Variants in AP3S1 observed in about 807,000 individuals in gnomAD.
AP3S1 encodes AP-3 complex subunit sigma-1.
Under a neutral mutation model 21.3 loss-of-function variants are expected in AP3S1, and 12 were observed. The observed-to-expected ratio is 0.56, with a 90% CI of 0.36 to 0.91. The LOEUF (loss-of-function observed/expected upper bound fraction) is 0.91. Among genes scored for constraint, AP3S1 ranks in the 40% least tolerant of loss-of-function variants. The probability of loss-of-function intolerance (pLI) is 0.01; values close to 1 mark genes in which losing one functional copy is unlikely to be tolerated. For synonymous variants in AP3S1, 48 were observed against 78.4 expected (o/e 0.61, Z 2.05); for missense variants, 116 against 225.0 (o/e 0.52, Z 3.10).
intron 1 of AP3S1, among the ~76,000 whole-genome samples, chr5:115,859,224 A>G (rs190308163): frequency 1.6e-3 from 239 of 152,028 alleles, no homozygotes; most frequent in African/African-American, 4.9e-3. Context: ...TGTGACTACA[A>G]CTCCCCAAAT....
intron 1 of AP3S1, among the ~76,000 whole-genome samples, chr5:115,860,467 T>A (rs555188539): frequency 1.3e-5 from 2 of 152,216 alleles, no homozygotes; most frequent in African/African-American, 4.8e-5. Context: ...AATAAAATTA[T>A]GAACTTTTGT....
At chr5:115,869,670 T>A (rs1000124812) in intron 2 of AP3S1, among the ~76,000 whole-genome samples, 1 of 152,182 alleles carries the variant, frequency 6.6e-6, no homozygotes, top group Non-Finnish European at 1.5e-5. Context: ...ATATCATCAT[T>A]GTATTTTGAT....
rs1292392539 is a variant in AP3S1, at chr5:115,841,998, C to T, written c.-40C>T. The stretch of plus-strand genomic sequence containing the variant: ...GGCGAGGCTCGCGCGCCCGCCCCCG[C>T]CCTGGCCCCCAGTGCCCACCCGGTC... On this transcript the variant is annotated 5_prime_UTR_variant, in exon 1 of 6. Transcript: ENST00000316788. 7.7e-6 allele frequency: 12 copies of T among 1,564,748 alleles called. No individual in the cohort carries two copies. In the Admixed American group the frequency reaches 9.5e-5, roughly 12 times the overall value.
At chr5:115,889,190 C>T (rs751168434) in intron 3 of AP3S1, among the ~76,000 whole-genome samples, 4 of 151,980 alleles carry the variant, frequency 2.6e-5, no homozygotes, top group Non-Finnish European at 5.9e-5. Context: ...TTTATAAATA[C>T]ATGTAAGTGA....
At chr5:115,913,292 G>T (rs558612183) in intron 5 of AP3S1, 70 bp from the exon 6 acceptor site, 2 of 1,475,272 alleles carry the variant, frequency 1.4e-6, no homozygotes, top group East Asian at 2.3e-5. Flanking sequence ...GTCTTCCATT[G>T]TAAGTGTTTT....
intron 1 of AP3S1, among the ~76,000 whole-genome samples, chr5:115,862,076 C>T (rs1340876848): frequency 9.2e-5 from 14 of 151,886 alleles, no homozygotes; most frequent in African/African-American, 2.9e-4. Context: ...CAATTCCATT[C>T]CGTAATTATC....
chr5:115,864,508 A>G (rs1018738239), intron 1 of AP3S1, among the ~76,000 whole-genome samples: 3 of 152,238 alleles, frequency 2.0e-5, no homozygotes, highest in African/African-American at 4.8e-5. Context: ...GAGAATCTTA[A>G]TAGAATATCA....
chr5:115,879,769 A>G (rs1749104506), intron 3 of AP3S1, among the ~76,000 whole-genome samples: 1 of 152,178 alleles, frequency 6.6e-6, no homozygotes, highest in Non-Finnish European at 1.5e-5. Flanking sequence ...GAGTAGTTTC[A>G]GAAGGAATGA....
rs138826506 is a variant in AP3S1 at position 115,883,483 on chromosome 5, T to C, written c.274-11604T>C. ...GAGTTCCTCAACCCCTTACGCTTCC[T>C]AGGTGAGATGATGCCCCACCCTGCT... On this transcript the variant is annotated intron_variant, in intron 3 of 5. Transcript: ENST00000316788. Among the ~76,000 whole-genome samples the C allele has an allele frequency of 5.1e-3, 771 of 152,308 alleles. 2 individuals are homozygous for C. Among genetic ancestry groups the C allele is most frequent in the South Asian group, 7.2e-3 (35 of 4,830 alleles).
intron 5 of AP3S1, among the ~76,000 whole-genome samples, chr5:115,912,444 T>C (rs1243321290): frequency 6.6e-6 from 1 of 152,046 alleles, no homozygotes; most frequent in Non-Finnish European, 1.5e-5. Context: ...AGAAAAATGA[T>C]ATGTATGCAT....
chr5:115,913,213 T>C, intron 5 of AP3S1, 149 bp from the exon 6 acceptor site: 2 of 632,076 alleles, frequency 3.2e-6, no homozygotes, highest in Non-Finnish European at 4.8e-6. Context: ...TATTTCAAAG[T>C]AACCATTCCA....
At chr5:115,897,699 A>G (rs1422375975) in intron 4 of AP3S1, among the ~76,000 whole-genome samples, 1 of 151,800 alleles carries the variant, frequency 6.6e-6, no homozygotes, top group Non-Finnish European at 1.5e-5. Context: ...AGCTGGGACT[A>G]CAGGCACCCG....
intron 1 of AP3S1, among the ~76,000 whole-genome samples, chr5:115,850,736 A>G (rs1762381233): frequency 6.6e-6 from 1 of 152,220 alleles, no homozygotes; most frequent in Non-Finnish European, 1.5e-5. Context: ...GTATGTGTGT[A>G]CATACCATCG....
intron 4 of AP3S1, among the ~76,000 whole-genome samples, chr5:115,900,114 C>G (rs1166010381): frequency 6.6e-6 from 1 of 151,854 alleles, no homozygotes; most frequent in Non-Finnish European, 1.5e-5. Flanking sequence ...TAAAAGTGCA[C>G]AGAATGAAAT....
In AP3S1 at chr5:115,841,941, C is replaced by G; in HGVS notation, c.-97C>G. On this transcript the variant is annotated 5_prime_UTR_variant, in exon 1 of 6. Coordinates refer to ENST00000316788, the MANE Select transcript of AP3S1 (RefSeq NM_001284.4). Reference sequence around the variant, plus strand: ...GCGCGCGGTCGCGTGCGGGAGGGGGCGGGTGGGGAAGGATCGCAGGCGAGA... The same window carrying G: ...GCGCGCGGTCGCGTGCGGGAGGGGGGGGGTGGGGAAGGATCGCAGGCGAGA... 1 of 1,508,098 alleles carries G rather than the reference C, an allele frequency of 6.6e-7. No homozygotes were observed. The highest frequency in any genetic ancestry group is 8.9e-7 in the Non-Finnish European group (1 of 1,127,338). 93.4% of individuals were successfully genotyped at this position (1,508,098 alleles called of 1,614,324 possible).
At chr5:115,868,131 A>G (rs986159383) in intron 2 of AP3S1, among the ~76,000 whole-genome samples, 6 of 152,318 alleles carry the variant, frequency 3.9e-5, no homozygotes, top group African/African-American at 1.4e-4. Context: ...AATTTTTGTC[A>G]GTATTATACT....
intron 4 of AP3S1, among the ~76,000 whole-genome samples, chr5:115,899,634 GTCT>G (rs1202815883): frequency 2.6e-5 from 4 of 152,126 alleles, no homozygotes; most frequent in Non-Finnish European, 5.9e-5. Context: ...ATTTGGAAAA[GTCT>G]TCTTGGGCTT....
In AP3S1 at chr5:115,880,275, T is replaced by C. The variant is rs145439796; in HGVS notation, c.273+10147T>C. Among the ~76,000 whole-genome samples the C allele has an allele frequency of 6.3e-3, 959 of 152,316 alleles. 10 individuals are homozygous for C. Among genetic ancestry groups the C allele is most frequent in the African/African-American group, 0.022 (916 of 41,570 alleles). Reference sequence around the variant, plus strand: ...GAATTTGCTCTTGCTTCTCTAGTTCTTTTAATTGTGATGTTAGGGTGTCGA... The same window carrying C: ...GAATTTGCTCTTGCTTCTCTAGTTCCTTTAATTGTGATGTTAGGGTGTCGA... On this transcript the variant is annotated intron_variant, in intron 3 of 5. Coordinates refer to ENST00000316788, the MANE Select transcript of AP3S1 (RefSeq NM_001284.4).
At chr5:115,874,059 T>C (rs1748500006) in intron 3 of AP3S1, among the ~76,000 whole-genome samples, 2 of 152,230 alleles carry the variant, frequency 1.3e-5, no homozygotes, top group South Asian at 2.1e-4. Flanking sequence ...AAATTCGTTA[T>C]GGAATTTACA....
Sources: allele counts gnomAD v4.1 joint callset (sites outside exome capture counted in the v4.1 genomes callset), GRCh38; gene constraint gnomAD v4.1.1; transcripts MANE v1.5; gene names NCBI Gene and HGNC (gene_info 2026-07-23, HGNC 2026-07-21).